The following MYT1L variants were observed in gnomAD, a reference collection of about 807,000 sequenced individuals.
The protein encoded by MYT1L is myelin transcription factor 1 like.
A neutral mutation model predicts 126.7 loss-of-function variants in MYT1L; 12 were observed. That is an observed-to-expected ratio of 0.09 (90% confidence interval 0.06 to 0.15). The LOEUF is 0.15. Ranked by LOEUF, MYT1L falls within the 10% of genes least tolerant of loss-of-function variation. The probability of loss-of-function intolerance (pLI) is 1.00; values close to 1 mark genes in which losing one functional copy is unlikely to be tolerated. For missense variants in MYT1L, 979 were observed against 1,585.2 expected, an observed-to-expected ratio of 0.62 and a Z score of 6.49; for synonymous variants, 541 against 604.2, an observed-to-expected ratio of 0.90 and a Z score of 1.53.
At chr2:1,841,006 C>T (rs1370589135) in intron 19 of MYT1L, 163 bp from the exon 20 acceptor site, 1 of 553,154 alleles carries the variant, frequency 1.8e-6, no homozygotes, top group Non-Finnish European at 3.2e-6. Flanking sequence ...CGGGTTCACG[C>T]CATTCTCCTG....
intron 18 of MYT1L, among the ~76,000 whole-genome samples, chr2:1,874,971 G>T (rs1466028681): frequency 1.3e-5 from 2 of 152,202 alleles, no homozygotes; most frequent in African/African-American, 4.8e-5. Flanking sequence ...CCCATCCGTG[G>T]TCCTCCCTCC....
intron 9 of MYT1L, among the ~76,000 whole-genome samples, chr2:1,936,905 C>T (rs2055966400): frequency 6.6e-6 from 1 of 152,094 alleles, no homozygotes; most frequent in African/African-American, 2.4e-5. Context: ...GGGGCTAGCA[C>T]CTCATCCTGT....
intron 2 of MYT1L, among the ~76,000 whole-genome samples, chr2:2,212,748 C>A (rs190136865): frequency 6.6e-6 from 1 of 152,290 alleles, no homozygotes; most frequent in East Asian, 1.9e-4. Context: ...TAGTCATTGT[C>A]ATGCACAGAA....
rs530519553 is a variant in MYT1L, at chr2:1,943,807, G to A, written c.153-473C>T. Among the ~76,000 whole-genome samples, 1 of 152,062 alleles carries A rather than the reference G, an allele frequency of 6.6e-6. No individual in the cohort carries two copies. Among genetic ancestry groups the A allele is most frequent in the South Asian group, 2.1e-4 (1 of 4,792 alleles). Reference sequence around the variant, plus strand: ...ATGTCTATGTCGTGAAAGAGCTTTGGATATATTTGGATTTGTATATTTTAT... The same window carrying A: ...ATGTCTATGTCGTGAAAGAGCTTTGAATATATTTGGATTTGTATATTTTAT... On this transcript the variant is annotated intron_variant, in intron 8 of 24. Transcript: ENST00000647738. This position sits in a 1 kb window ranked among gnomAD's most constrained non-coding sequence, Gnocchi z 4.4.
chr2:2,295,288 C>T (rs913125062), intron 1 of MYT1L, among the ~76,000 whole-genome samples: 1 of 152,094 alleles, frequency 6.6e-6, no homozygotes, highest in African/African-American at 2.4e-5. Flanking sequence ...TGCATTGAAG[C>T]CAGGGACAGG....
chr2:2,084,092 G>A (rs1347714731), intron 3 of MYT1L, among the ~76,000 whole-genome samples: 4 of 151,326 alleles, frequency 2.6e-5, no homozygotes, highest in African/African-American at 7.3e-5. Flanking sequence ...CACTCCATCA[G>A]TAAGCCCATG....
intron 2 of MYT1L, among the ~76,000 whole-genome samples, chr2:2,173,581 T>C (rs1399852251): frequency 6.6e-6 from 1 of 152,228 alleles, no homozygotes; most frequent in East Asian, 1.9e-4. Context: ...AACCATTGAC[T>C]GTTTTAATTT....
intron 22 of MYT1L, among the ~76,000 whole-genome samples, chr2:1,807,301 C>T (rs575590445): frequency 6.6e-6 from 1 of 152,246 alleles, no homozygotes; most frequent in Non-Finnish European, 1.5e-5. Flanking sequence ...AGGCGTCTCT[C>T]ATGCTGTCCT....
Position 1,806,884 on chromosome 2 carries a change from G to A in MYT1L, c.3172+2192C>T, listed in dbSNP as rs769027278. Among the ~76,000 whole-genome samples the A allele has an allele frequency of 5.9e-5, 9 of 152,330 alleles. No homozygotes were observed. Among genetic ancestry groups the A allele is most frequent in the African/African-American group, 7.2e-5 (3 of 41,586 alleles). On this transcript the variant is annotated intron_variant, in intron 22 of 24. Coordinates refer to ENST00000647738, the MANE Select transcript of MYT1L (RefSeq NM_001303052.2). The surrounding 1 kb of genome is among the most constrained non-coding windows in gnomAD (Gnocchi z 4.9). Reference sequence around the variant, plus strand: ...TTTCCACTTTAATCCAGGGTTATTCGGGGGTGAAATGCCCTCTAAGTATTT... The same window carrying A: ...TTTCCACTTTAATCCAGGGTTATTCAGGGGTGAAATGCCCTCTAAGTATTT...
intron 11 of MYT1L, among the ~76,000 whole-genome samples, chr2:1,914,714 C>T (rs1159945271): frequency 6.6e-6 from 1 of 152,114 alleles, no homozygotes; most frequent in Non-Finnish European, 1.5e-5. Flanking sequence ...TTCACCGAGG[C>T]TATAATCCCT....
At chr2:1,948,351 T>G (rs2057432344) in intron 8 of MYT1L, among the ~76,000 whole-genome samples, 2 of 152,178 alleles carry the variant, frequency 1.3e-5, no homozygotes, top group East Asian at 3.9e-4. Context: ...ACAAGTACCC[T>G]CTGTCCCTTC....
chr2:2,132,259 C>G (rs896894880), intron 3 of MYT1L, among the ~76,000 whole-genome samples: 1 of 152,012 alleles, frequency 6.6e-6, no homozygotes, highest in Non-Finnish European at 1.5e-5. Flanking sequence ...AATCGTTCTA[C>G]TATAAAGACA....
chr2:2,083,432 C>A (rs2076044919), intron 3 of MYT1L, among the ~76,000 whole-genome samples: 1 of 152,210 alleles, frequency 6.6e-6, no homozygotes, highest in Non-Finnish European at 1.5e-5. Flanking sequence ...TCACCTTTTT[C>A]CAGGTGGGAC....
intron 14 of MYT1L, 181 bp downstream of exon 14, chr2:1,902,899 A>C (rs1263490401): frequency 1.7e-6 from 1 of 595,756 alleles, no homozygotes; most frequent in Non-Finnish European, 3.0e-6. Context: ...AGTTTTGCTC[A>C]CCTACAGCTG....
At chr2:1,879,209 G>A (rs2047264606) in intron 18 of MYT1L, among the ~76,000 whole-genome samples, 1 of 152,128 alleles carries the variant, frequency 6.6e-6, no homozygotes, top group Non-Finnish European at 1.5e-5. Context: ...AAATGGCCAG[G>A]AAATCCCAAA....
chr2:1,893,059 C>T (rs538250027), intron 14 of MYT1L, among the ~76,000 whole-genome samples: 24 of 152,294 alleles, frequency 1.6e-4, no homozygotes, highest in African/African-American at 4.6e-4. Context: ...TTCATAGCCA[C>T]GGCCTCTCTG....
chr2:1,913,452 T>G (rs2052351584), intron 11 of MYT1L, among the ~76,000 whole-genome samples: 1 of 152,096 alleles, frequency 6.6e-6, no homozygotes, highest in Admixed American at 6.5e-5. Context: ...CCCTGCCCCC[T>G]TCCTCCCTGT....
At chr2:1,903,674 T>A (rs2195903) in intron 13 of MYT1L, among the ~76,000 whole-genome samples, 1 of 151,920 alleles carries the variant, frequency 6.6e-6, no homozygotes, top group Non-Finnish European at 1.5e-5. Context: ...TACACAAAGA[T>A]GTTGCCTCGA....
chr2:1,985,874 C>T (rs1486110138), intron 5 of MYT1L, among the ~76,000 whole-genome samples: 1 of 152,192 alleles, frequency 6.6e-6, no homozygotes, highest in African/African-American at 2.4e-5. Flanking sequence ...ACCAAGGACA[C>T]CACACCAGCC....
Sources: allele counts gnomAD v4.1 joint callset (sites outside exome capture counted in the v4.1 genomes callset), GRCh38; gene constraint gnomAD v4.1.1; non-coding constraint Gnocchi (gnomAD v3.1); transcripts MANE v1.5; gene names NCBI Gene and HGNC (gene_info 2026-07-23, HGNC 2026-07-21).